Variants in GRM1 observed in about 807,000 individuals in gnomAD.
The protein encoded by GRM1 is metabotropic glutamate receptor 1.
In GRM1, 33 loss-of-function variants were observed where a neutral mutation model predicts 90.9. The observed-to-expected ratio is 0.36, with a 90% CI of 0.28 to 0.49. The LOEUF (loss-of-function observed/expected upper bound fraction) is 0.49. Among genes scored for constraint, GRM1 ranks in the 20% least tolerant of loss-of-function variants. The pLI is 0.99. For missense variants in GRM1, 1,190 were observed against 1,534.3 expected (o/e 0.78, Z 3.75); for synonymous variants, 700 against 613.2 (o/e 1.14, Z -2.09).
At chr6:146,401,300 A>C (rs1257122269) in intron 7 of GRM1, among the ~76,000 whole-genome samples, 2 of 152,132 alleles carry the variant, frequency 1.3e-5, no homozygotes, top group African/African-American at 4.8e-5. Context: ...GTTGATCATA[A>C]AAGTGGTTAG....
intron 1 of GRM1, among the ~76,000 whole-genome samples, chr6:146,065,213 A>G (rs985860569): frequency 3.3e-5 from 5 of 152,146 alleles, no homozygotes; most frequent in East Asian, 3.9e-4. Flanking sequence ...TATGTTCTCT[A>G]TGAATTCCTG....
chr6:146,349,044 C>CTGCTATTAT (rs373292241), intron 3 of GRM1, among the ~76,000 whole-genome samples: 12 of 141,538 alleles, frequency 8.5e-5, no homozygotes, highest in Non-Finnish European at 1.7e-4. Context: ...GAAGTGGTAG[C>CTGCTATTAT]TATTATTATT....
At chr6:146,328,855 T>A (rs749813563) in intron 3 of GRM1, among the ~76,000 whole-genome samples, 1 of 152,164 alleles carries the variant, frequency 6.6e-6, no homozygotes, top group South Asian at 2.1e-4. Flanking sequence ...CTTCATTTGA[T>A]CCTTACCTAA....
At chr6:146,030,488 T>A (rs1181994944) in intron 1 of GRM1, among the ~76,000 whole-genome samples, 1 of 152,228 alleles carries the variant, frequency 6.6e-6, no homozygotes, top group Non-Finnish European at 1.5e-5. Flanking sequence ...TAGATTTGAC[T>A]TGAATACTTG....
rs1781787240 is a variant in GRM1, at chr6:146,264,002, A to G, written c.951-40609A>G. On this transcript the variant is annotated intron_variant, in intron 2 of 7. Coordinates refer to ENST00000282753, the MANE Select transcript of GRM1 (RefSeq NM_001278064.2). Reference sequence around the variant, plus strand: ...TCATTGGAGAGTTAATGAATGTTAAATTAACATCTTAATGAAAATTGTATA... The same window carrying G: ...TCATTGGAGAGTTAATGAATGTTAAGTTAACATCTTAATGAAAATTGTATA... Among the ~76,000 whole-genome samples the G allele has an allele frequency of 2.0e-5, 3 of 152,156 alleles. No individual in the cohort carries two copies. In the South Asian group the frequency reaches 6.2e-4, roughly 31 times the overall value.
At chr6:146,121,590 T>G (rs1197089534) in intron 1 of GRM1, among the ~76,000 whole-genome samples, 1 of 152,220 alleles carries the variant, frequency 6.6e-6, no homozygotes, top group African/African-American at 2.4e-5. Context: ...TAAATTTCCC[T>G]CTACACACTG....
chr6:146,146,758 A>C (rs1427523288), intron 1 of GRM1, among the ~76,000 whole-genome samples: 1 of 152,174 alleles, frequency 6.6e-6, no homozygotes, highest in Non-Finnish European at 1.5e-5. Flanking sequence ...GGGACACTGA[A>C]GTGAGTCTCC....
intron 2 of GRM1, among the ~76,000 whole-genome samples, chr6:146,270,853 CTT>C (rs1271081659): frequency 1.1e-3 from 44 of 41,544 alleles, no homozygotes; most frequent in African/African-American, 2.3e-3. Flanking sequence ...CTTTCTTTTT[CTT>C]TCTTTCTTTC....
intron 1 of GRM1, among the ~76,000 whole-genome samples, chr6:146,130,966 C>T (rs1459565378): frequency 2.6e-5 from 4 of 152,124 alleles, no homozygotes; most frequent in Non-Finnish European, 2.9e-5. Flanking sequence ...GAAGTTCTTG[C>T]CACTTTTTGA....
chr6:146,308,581 G>C (rs1282795893), intron 3 of GRM1, among the ~76,000 whole-genome samples: 5 of 152,122 alleles, frequency 3.3e-5, no homozygotes, highest in Admixed American at 2.6e-4. Context: ...TACATAGTTA[G>C]TGCCAATATA....
intron 7 of GRM1, among the ~76,000 whole-genome samples, chr6:146,409,351 G>A (rs1195390426): frequency 6.6e-6 from 1 of 152,168 alleles, no homozygotes; most frequent in African/African-American, 2.4e-5. Flanking sequence ...GCATAGCACA[G>A]AGAGAAATAC....
At chr6:146,380,288 T>C (rs1015586378) in intron 5 of GRM1, among the ~76,000 whole-genome samples, 4 of 152,084 alleles carry the variant, frequency 2.6e-5, no homozygotes, top group African/African-American at 9.7e-5. Flanking sequence ...TGGTGTTTTA[T>C]CATACTGCAG....
chr6:146,184,448 C>A (rs1778651639), intron 2 of GRM1, among the ~76,000 whole-genome samples: 1 of 151,870 alleles, frequency 6.6e-6, no homozygotes, highest in Non-Finnish European at 1.5e-5. Flanking sequence ...TTTTAATTAA[C>A]TATCTGTGGA....
At chr6:146,366,310 C>G (rs1373593117) in intron 5 of GRM1, among the ~76,000 whole-genome samples, 1 of 152,086 alleles carries the variant, frequency 6.6e-6, no homozygotes, top group Admixed American at 6.6e-5. Flanking sequence ...GGATATCCAT[C>G]TCCTCAAATA....
intron 2 of GRM1, among the ~76,000 whole-genome samples, chr6:146,221,272 A>G (rs946244776): frequency 4.6e-5 from 7 of 152,122 alleles, no homozygotes; most frequent in Non-Finnish European, 1.0e-4. Context: ...TGCACGTTCC[A>G]TGGTGGTTTG....
At chr6:146,152,960 A>C (rs1340434259) in intron 1 of GRM1, among the ~76,000 whole-genome samples, 1 of 152,176 alleles carries the variant, frequency 6.6e-6, no homozygotes, top group African/African-American at 2.4e-5. Flanking sequence ...ATCTAGATAA[A>C]TTCTTCAAGC....
intron 5 of GRM1, chr6:146,364,790 T>TG (rs1342236478): frequency 6.6e-6 from 1 of 151,246 alleles, no homozygotes; most frequent in East Asian, 1.9e-4. Flanking sequence ...TTTTTTTTTT[T>TG]GGAACAATTT....
chr6:146,322,109 A>T (rs935179237), intron 3 of GRM1, among the ~76,000 whole-genome samples: 1 of 151,924 alleles, frequency 6.6e-6, no homozygotes, highest in African/African-American at 2.4e-5. Context: ...GTTGATGTTG[A>T]TGCTATTACT....
At chr6:146,185,943 T>G (rs1401034766) in intron 2 of GRM1, among the ~76,000 whole-genome samples, 1 of 151,734 alleles carries the variant, frequency 6.6e-6, no homozygotes, top group Non-Finnish European at 1.5e-5. Context: ...TAGACATACT[T>G]TTTTTTCTTT....
Sources: gnomAD v4.1 joint callset for allele counts (sites outside exome capture counted in the v4.1 genomes callset) on GRCh38, gnomAD v4.1.1 for gene constraint, MANE v1.5 for transcripts, NCBI Gene and HGNC (gene_info 2026-07-23, HGNC 2026-07-21) for gene names.